The following SLC25A48 variants were observed in gnomAD, a reference collection of about 807,000 sequenced individuals.
SLC25A48 encodes CTC-321K16.1.
Under a neutral mutation model 32.2 loss-of-function variants are expected in SLC25A48, and 29 were observed. The ratio of observed to expected loss-of-function variants is 0.90; its 90% CI spans 0.67 to 1.23. The LOEUF is 1.23. Among genes scored for constraint, SLC25A48 ranks in the 50% most tolerant of loss-of-function variants. The probability of loss-of-function intolerance (pLI) is 0.00; values close to 1 mark genes in which losing one functional copy is unlikely to be tolerated. For missense variants in SLC25A48, 399 were observed against 422.7 expected (o/e 0.94, Z 0.49); for synonymous variants, 164 against 172.3 (o/e 0.95, Z 0.38).
At chr5:135,798,726 T>A (rs1338442428) in intron 3 of SLC25A48, among the ~76,000 whole-genome samples, 2 of 151,544 alleles carry the variant, frequency 1.3e-5, no homozygotes, top group African/African-American at 2.4e-5. Flanking sequence ...TGGTCCCTAA[T>A]ATCTATGGGG....
At chr5:135,716,040 C>G (rs1754788108) in intron 3 of SLC25A48, among the ~76,000 whole-genome samples, 1 of 152,206 alleles carries the variant, frequency 6.6e-6, no homozygotes, top group Non-Finnish European at 1.5e-5. Context: ...AGTGCAGTTT[C>G]CAAGGGTTTC....
In SLC25A48 at chr5:135,852,589, C is replaced by CT; in HGVS notation, c.191dup (p.Leu66ProfsTer17). 1 of 1,601,370 alleles carries CT rather than the reference C, an allele frequency of 6.2e-7. No individual in the cohort carries two copies. The highest frequency in any genetic ancestry group is 8.6e-7 in the Non-Finnish European group (1 of 1,169,240). ...TGTTCGGCTTCTTCAAGGGCATGTC[C>CT]TTCCCCCTCGCCAGCATTGCCGTCT... On this transcript the variant is annotated frameshift_variant, in exon 4 of 8. Coordinates refer to ENST00000681962, the MANE Select transcript of SLC25A48 (RefSeq NM_001349336.2). LOFTEE classifies it high-confidence loss of function.
intron 3 of SLC25A48, among the ~76,000 whole-genome samples, chr5:135,789,785 G>A (rs12653452): frequency 0.65 from 98,648 of 151,768 alleles, 34,224 homozygotes; most frequent in Non-Finnish European, 0.78. Context: ...GATATGGGGA[G>A]TAAAATCTCT....
intron 4 of SLC25A48, among the ~76,000 whole-genome samples, chr5:135,814,481 C>A (rs1757667732): frequency 6.6e-6 from 1 of 152,188 alleles, no homozygotes; most frequent in South Asian, 2.1e-4. Flanking sequence ...CCTGCTTCTT[C>A]CAGGATGGGT....
intron 1 of SLC25A48, among the ~76,000 whole-genome samples, chr5:135,612,378 T>C (rs1752094132): frequency 6.6e-6 from 1 of 152,238 alleles, no homozygotes; most frequent in Non-Finnish European, 1.5e-5. Context: ...TTATCATTTC[T>C]GTGTGTTGGG....
rs559936613 is a variant in SLC25A48 at position 135,720,290 on chromosome 5, C to T, written c.-521+85334C>T. Among the ~76,000 whole-genome samples, 76 of 152,096 alleles carry T rather than the reference C, an allele frequency of 5.0e-4. 1 individual carries two copies. Among genetic ancestry groups the T allele is most frequent in the Admixed American group, 1.6e-3 (24 of 15,280 alleles). On this transcript the variant is annotated intron_variant, in intron 3 of 10. Coordinates refer to the SLC25A48 transcript ENST00000646290. Reference sequence around the variant, plus strand: ...AGGAGGGGTCTGTGTTGCCAGGGCCCGGAAGGGTGCTTTTGAAGCAAATGT... The same window carrying T: ...AGGAGGGGTCTGTGTTGCCAGGGCCTGGAAGGGTGCTTTTGAAGCAAATGT...
intron 1 of SLC25A48, among the ~76,000 whole-genome samples, chr5:135,584,081 G>A (rs1057208004): frequency 2.6e-5 from 4 of 152,228 alleles, no homozygotes; most frequent in Non-Finnish European, 5.9e-5. Flanking sequence ...ATTGAATTAG[G>A]CTTAAAGCAG....
intron 3 of SLC25A48, among the ~76,000 whole-genome samples, chr5:135,800,136 G>A (rs1757285311): frequency 6.6e-6 from 1 of 151,654 alleles, no homozygotes; most frequent in Non-Finnish European, 1.5e-5. Flanking sequence ...ATATCCCAGG[G>A]GCTGTACAAC....
At chr5:135,691,651 G>T (rs1395965421) in intron 3 of SLC25A48, among the ~76,000 whole-genome samples, 1 of 152,216 alleles carries the variant, frequency 6.6e-6, no homozygotes, top group Non-Finnish European at 1.5e-5. Context: ...CTCTATAAAT[G>T]ACCTTGCTCT....
At chr5:135,714,092 C>A (rs1397363526) in intron 3 of SLC25A48, among the ~76,000 whole-genome samples, 2 of 152,166 alleles carry the variant, frequency 1.3e-5, no homozygotes, top group East Asian at 3.9e-4. Flanking sequence ...CCCGCCCCAC[C>A]CCTACCATTC....
chr5:135,836,140 T>G (rs1461884754), intron 1 of SLC25A48, among the ~76,000 whole-genome samples: 2 of 152,138 alleles, frequency 1.3e-5, no homozygotes, highest in Non-Finnish European at 2.9e-5. Flanking sequence ...GGGATGCAAA[T>G]GGCTTGGTTT....
At chr5:135,716,266 C>A (rs1754793840) in intron 3 of SLC25A48, among the ~76,000 whole-genome samples, 1 of 152,216 alleles carries the variant, frequency 6.6e-6, no homozygotes. Flanking sequence ...AAACTTAGCA[C>A]AATTACTGAG....
intron 2 of SLC25A48, among the ~76,000 whole-genome samples, chr5:135,634,274 C>T (rs1455270140): frequency 6.6e-6 from 1 of 152,230 alleles, no homozygotes; most frequent in East Asian, 1.9e-4. Context: ...GTCCATCCTG[C>T]AACCCAGTGT....
intron 3 of SLC25A48, among the ~76,000 whole-genome samples, chr5:135,769,932 A>AG (rs1262886691): frequency 2.0e-5 from 3 of 149,776 alleles, no homozygotes; most frequent in African/African-American, 2.5e-5. Flanking sequence ...CGTAATATCC[A>AG]GGGGGGAGAA....
At chr5:135,867,120 C>A (rs950702302) in intron 4 of SLC25A48, among the ~76,000 whole-genome samples, 1 of 152,148 alleles carries the variant, frequency 6.6e-6, no homozygotes, top group Non-Finnish European at 1.5e-5. Context: ...ATGTTTTAAT[C>A]CTCATTACAG....
chr5:135,718,958 G>A (rs966871638), intron 3 of SLC25A48, among the ~76,000 whole-genome samples: 2 of 151,986 alleles, frequency 1.3e-5, no homozygotes, highest in Non-Finnish European at 2.9e-5. Flanking sequence ...TAGAACTATT[G>A]AACACACACA....
intron 3 of SLC25A48, among the ~76,000 whole-genome samples, chr5:135,812,276 C>G (rs188811015): frequency 1.3e-5 from 2 of 152,086 alleles, no homozygotes; most frequent in South Asian, 4.1e-4. Context: ...CTGGAGTATC[C>G]ATCCCCTCCA....
chr5:135,589,826 C>T (rs1009868571), intron 1 of SLC25A48, among the ~76,000 whole-genome samples: 1 of 152,138 alleles, frequency 6.6e-6, no homozygotes, highest in African/African-American at 2.4e-5. Context: ...TCCCGAGTAG[C>T]TGGGACTATA....
chr5:135,804,435 G>T (rs55942298), intron 3 of SLC25A48, among the ~76,000 whole-genome samples: 58,365 of 151,556 alleles, frequency 0.39, 12,644 homozygotes, highest in Non-Finnish European at 0.49. Flanking sequence ...CGCTGTGTGT[G>T]TGTGTACACC....
Sources: allele counts gnomAD v4.1 joint callset (sites outside exome capture counted in the v4.1 genomes callset), GRCh38; gene constraint gnomAD v4.1.1; transcripts MANE v1.5; gene names NCBI Gene and HGNC (gene_info 2026-07-23, HGNC 2026-07-21).